The following EPS8 variants were observed in gnomAD, a reference collection of about 807,000 sequenced individuals.
EPS8 encodes EGFR pathway substrate 8, signaling adaptor, also known as epidermal growth factor receptor kinase substrate 8.
In EPS8, 42 loss-of-function variants were observed where a neutral mutation model predicts 103.8. The ratio of observed to expected loss-of-function variants is 0.40; its 90% confidence interval spans 0.32 to 0.52. The LOEUF (loss-of-function observed/expected upper bound fraction) is 0.52. Ranked by LOEUF, EPS8 falls within the 20% of genes least tolerant of loss-of-function variation. The pLI is 0.40. For missense variants in EPS8, 969 were observed against 1,005.1 expected (o/e 0.96, Z 0.49); for synonymous variants, 344 against 344.6 (o/e 1.00, Z 0.02).
chr12:15,672,417 T>C (rs955119729), intron 3 of EPS8: 11 of 398,148 alleles, frequency 2.8e-5, no homozygotes, highest in Non-Finnish European at 4.9e-5. Flanking sequence ...AATTACTTAA[T>C]AAAAACAGAT....
intron 14 of EPS8, among the ~76,000 whole-genome samples, chr12:15,647,765 G>T (rs1166363523): frequency 6.6e-6 from 1 of 152,178 alleles, no homozygotes; most frequent in Non-Finnish European, 1.5e-5. Context: ...TCAGACAGGA[G>T]ACTACTGGGA....
intron 8 of EPS8, among the ~76,000 whole-genome samples, chr12:15,663,934 A>AT (rs1945653791): frequency 1.2e-3 from 12 of 10,080 alleles, no homozygotes; most frequent in Non-Finnish European, 2.2e-3. Context: ...AAAAAAAAAA[A>AT]AAAAAAAAAA....
rs1946870590 is a variant in EPS8, at chr12:15,745,898, A to G, written c.-22+43263T>C. On this transcript the variant is annotated intron_variant, in intron 1 of 20. Transcript: ENST00000281172. This position sits in a 1 kb window ranked among gnomAD's most constrained non-coding sequence, Gnocchi z 4.6. Reference sequence around the variant, plus strand: ...GTTAACATTATTAAACTGAATTACTATCATGACAATAAATGCGATCATGCC... The same window carrying G: ...GTTAACATTATTAAACTGAATTACTGTCATGACAATAAATGCGATCATGCC... Among the ~76,000 whole-genome samples, 4 of 152,248 alleles carry G rather than the reference A, an allele frequency of 2.6e-5. No individual in the cohort carries two copies. Among genetic ancestry groups the G allele is most frequent in the Admixed American group, 2.6e-4 (4 of 15,284 alleles).
intron 3 of EPS8, among the ~76,000 whole-genome samples, chr12:15,680,077 C>G (rs1945979057): frequency 6.6e-6 from 1 of 152,052 alleles, no homozygotes; most frequent in Non-Finnish European, 1.5e-5. Flanking sequence ...AATAATGTCA[C>G]AATACTTAAT....
rs1946662643 is a variant in EPS8, at chr12:15,727,213, T to C, written c.-21-44241A>G. On this transcript the variant is annotated intron_variant, in intron 1 of 20. Transcript: ENST00000281172. The surrounding 1 kb of genome is among the most constrained non-coding windows in gnomAD (Gnocchi z 4.3). Reference sequence around the variant, plus strand: ...CCTGGGCACCTGGGGTTCTGATTACTTCCCTCGTGGATTTAATATCTACCT... The same window carrying C: ...CCTGGGCACCTGGGGTTCTGATTACCTCCCTCGTGGATTTAATATCTACCT... 1.3e-5 allele frequency among the ~76,000 whole-genome samples: 2 copies of C among 152,210 alleles called. No individual in the cohort carries two copies. The highest frequency in any genetic ancestry group is 4.1e-4 in the South Asian group (2 of 4,830).
At chr12:15,655,449 A>C (rs906820601) in intron 12 of EPS8, among the ~76,000 whole-genome samples, 4 of 152,318 alleles carry the variant, frequency 2.6e-5, no homozygotes, top group Admixed American at 1.3e-4. Flanking sequence ...GAGGAGTTGG[A>C]CTAAGACTTA....
At chr12:15,739,428 G>T (rs139963179) in intron 1 of EPS8, among the ~76,000 whole-genome samples, 1 of 152,080 alleles carries the variant, frequency 6.6e-6, no homozygotes, top group Non-Finnish European at 1.5e-5. Context: ...CGTGTGAGTC[G>T]GTGGCCTGGG....
rs1462096632 is a variant in EPS8 at position 15,727,133 on chromosome 12, A to G, written c.-21-44161T>C. 6.6e-6 allele frequency among the ~76,000 whole-genome samples: 1 copy of G among 152,344 alleles called. No homozygotes were observed. The highest frequency in any genetic ancestry group is 2.4e-5 in the African/African-American group (1 of 41,590). On this transcript the variant is annotated intron_variant, in intron 1 of 20. Coordinates refer to ENST00000281172, the MANE Select transcript of EPS8 (RefSeq NM_004447.6). This position sits in a 1 kb window ranked among gnomAD's most constrained non-coding sequence, Gnocchi z 4.3. ...GGAAATTTTATGAATTTGTTTAGTT[A>G]AATCTAAGTTAAGTACAAGTGACTA...
intron 1 of EPS8, among the ~76,000 whole-genome samples, chr12:15,718,915 G>T (rs1252775697): frequency 1.3e-5 from 2 of 152,002 alleles, no homozygotes; most frequent in Non-Finnish European, 1.5e-5. Flanking sequence ...AATCCTTTCT[G>T]GAGTATTTTT....
In EPS8 at chr12:15,662,426, A is replaced by G. The variant is rs906740286; in HGVS notation, c.737-327T>C. 3 of 1,030,424 alleles carry G rather than the reference A, an allele frequency of 2.9e-6. No homozygotes were observed. In the African/African-American group the frequency reaches 5.1e-5, roughly 17 times the overall value. 63.8% of individuals were successfully genotyped at this position (1,030,424 alleles called of 1,614,324 possible). A position where few individuals can be genotyped will look rare whatever the true frequency, so the allele number is the denominator to read the frequency against. On this transcript the variant is annotated intron_variant, in intron 8 of 20. Transcript: ENST00000281172. ...GCACCCTTTAATTCCTACACAAGCC[A>G]GAAATATAAACCAGCAGTCAAGCTT...
At chr12:15,628,627 A>G (rs1269648709) in intron 18 of EPS8, among the ~76,000 whole-genome samples, 2 of 152,244 alleles carry the variant, frequency 1.3e-5, no homozygotes, top group Non-Finnish European at 2.9e-5. Flanking sequence ...AAGGCTTCAC[A>G]GTTATTTTGA....
At position 15,660,708 on chromosome 12, in the gene EPS8, T is replaced by C. The variant is rs746952924; in HGVS notation, c.843A>G (p.Glu281=). The change falls in exon 10 of 21, where the codon GAA becomes GAG. Residue 281 remains glutamate (E), a synonymous_variant. Coordinates refer to ENST00000281172, the MANE Select transcript of EPS8 (RefSeq NM_004447.6). ...QILNHILDDI[E]FFITKLQKAA... is the part of the protein sequence containing the mutation. ...CTTTTTGGAGTTTTGTGATAAAAAA[T>C]TCAATGTCATCCAAAATGTGGTTTA... The C allele has an allele frequency of 4.3e-6, 7 of 1,609,252 alleles. No homozygotes were observed. In the Admixed American group the frequency reaches 6.7e-5, roughly 15 times the overall value.
rs758554373 is a variant in EPS8 at position 15,761,822 on chromosome 12, T to G, written c.-22+27339A>C. 4.6e-5 allele frequency among the ~76,000 whole-genome samples: 7 copies of G among 152,084 alleles called. No homozygotes were observed. The highest frequency in any genetic ancestry group is 1.0e-4 in the Non-Finnish European group (7 of 68,018). The stretch of plus-strand genomic sequence containing the variant: ...AAGACTTCAATCTAAGACCTCAAAC[T>G]ATGAAACTACTACAAGAAAACATTG... On this transcript the variant is annotated intron_variant, in intron 1 of 20. Transcript: ENST00000281172. This position sits in a 1 kb window ranked among gnomAD's most constrained non-coding sequence, Gnocchi z 4.5.
In EPS8 at chr12:15,714,392, G is replaced by T. The variant is rs752477807; in HGVS notation, c.-21-31420C>A. Among the ~76,000 whole-genome samples, 1 of 152,174 alleles carries T rather than the reference G, an allele frequency of 6.6e-6. No homozygotes were observed. The highest frequency in any genetic ancestry group is 1.5e-5 in the Non-Finnish European group (1 of 68,026). ...ACAGTGGCTCACACCTGTAATCCCA[G>T]CTCTTTGATAGGCCACGGGTGGGAG... On this transcript the variant is annotated intron_variant, in intron 1 of 20. Coordinates refer to ENST00000281172, the MANE Select transcript of EPS8 (RefSeq NM_004447.6). The surrounding 1 kb of genome is among the most constrained non-coding windows in gnomAD (Gnocchi z 4.1).
At chr12:15,640,904 A>G in intron 16 of EPS8, 58 bp from the exon 17 acceptor site, 2 of 1,550,206 alleles carry the variant, frequency 1.3e-6, no homozygotes, top group Non-Finnish European at 1.8e-6. Flanking sequence ...TCTACGAAAG[A>G]AGTTCCCTAG....
rs1946495376 is a variant in EPS8 at position 15,713,590 on chromosome 12, A to C, written c.-21-30618T>G. On this transcript the variant is annotated intron_variant, in intron 1 of 20. Transcript: ENST00000281172. The surrounding 1 kb of genome is among the most constrained non-coding windows in gnomAD (Gnocchi z 4.8). Reference sequence around the variant, plus strand: ...AAAGTGCTCCCTCAAGAGAGAAAGCACTCTGCTGGATTTCCAGCCCCATTA... The same window carrying C: ...AAAGTGCTCCCTCAAGAGAGAAAGCCCTCTGCTGGATTTCCAGCCCCATTA... 6.6e-6 allele frequency among the ~76,000 whole-genome samples: 1 copy of C among 152,176 alleles called. No individual in the cohort carries two copies. The highest frequency in any genetic ancestry group is 1.9e-4 in the East Asian group (1 of 5,190).
chr12:15,683,032 A>G, intron 1 of EPS8, 60 bp from the exon 2 acceptor site: 1 of 836,504 alleles, frequency 1.2e-6, no homozygotes, highest in Non-Finnish European at 1.9e-6. Context: ...TCTCAGTTTC[A>G]AAAGTTATTC....
Position 15,621,317 on chromosome 12 carries a change from T to C in EPS8, c.2469A>G (p.Ter823=), listed in dbSNP as rs768984505. 1 of 1,536,802 alleles carries C rather than the reference T, an allele frequency of 6.5e-7. No homozygotes were observed. The highest frequency in any genetic ancestry group is 1.9e-5 in the Admixed American group (1 of 51,806). The change falls in exon 21 of 21, where the codon TAA becomes TAG. Residue 823 remains the stop codon, a stop_retained_variant. Coordinates refer to ENST00000281172, the MANE Select transcript of EPS8 (RefSeq NM_004447.6). ...TGGAGTTTAAATACAAACAAACAAA[T>C]TAGTGACTGCTTCCTTCATCAAAAG... ...VESFDEGSSH[*] is the part of the protein sequence containing the mutation.
chr12:15,689,808 A>G (rs1946147740), intron 1 of EPS8, among the ~76,000 whole-genome samples: 1 of 152,206 alleles, frequency 6.6e-6, no homozygotes, highest in South Asian at 2.1e-4. Flanking sequence ...ACTTATACGC[A>G]GACTCTAAAA....
Sources: gnomAD v4.1 joint callset for allele counts (sites outside exome capture counted in the v4.1 genomes callset) on GRCh38, gnomAD v4.1.1 for gene constraint, Gnocchi (gnomAD v3.1) non-coding constraint, MANE v1.5 for transcripts, NCBI Gene and HGNC (gene_info 2026-07-23, HGNC 2026-07-21) for gene names.